FLACC1: variants seen among roughly 807,000 people sequenced by gnomAD.
FLACC1 encodes flagellum associated containing coiled-coil domains 1, also known as flagellum-associated coiled-coil domain-containing protein 1.
Under a neutral mutation model 62.8 loss-of-function variants are expected in FLACC1, and 66 were observed. The observed-to-expected ratio is 1.05, with a 90% CI of 0.86 to 1.29. The LOEUF is 1.29. Among genes scored for constraint, FLACC1 ranks in the 50% most tolerant of loss-of-function variants. The probability of loss-of-function intolerance (pLI) is 0.00; values close to 1 mark genes in which losing one functional copy is unlikely to be tolerated. For synonymous variants in FLACC1, 156 were observed against 161.0 expected (o/e 0.97, Z 0.24); for missense variants, 452 against 489.1 (o/e 0.92, Z 0.71).
At chr2:201,302,161 C>G (rs555273604) in intron 11 of FLACC1, among the ~76,000 whole-genome samples, 1 of 152,196 alleles carries the variant, frequency 6.6e-6, no homozygotes, top group South Asian at 2.1e-4. Flanking sequence ...TCAAGACCCA[C>G]CAGTGTGCTG....
At chr2:201,349,592 A>G (rs1950985517) in intron 3 of FLACC1, among the ~76,000 whole-genome samples, 1 of 152,234 alleles carries the variant, frequency 6.6e-6, no homozygotes. Flanking sequence ...TAGGTGGTCA[A>G]TAAATATTTT....
intron 11 of FLACC1, among the ~76,000 whole-genome samples, chr2:201,306,361 T>C (rs551546143): frequency 2.6e-5 from 4 of 152,202 alleles, no homozygotes; most frequent in South Asian, 4.2e-4. Flanking sequence ...TTCTCCAACA[T>C]TGGAGATTAC....
chr2:201,307,565 T>C lies in FLACC1; in HGVS notation c.833A>G (p.Asn278Ser), dbSNP rs1222256287. 6.2e-7 allele frequency: 1 copy of C among 1,614,262 alleles called. No homozygotes were observed. The highest frequency in any genetic ancestry group is 8.5e-7 in the Non-Finnish European group (1 of 1,180,040). Residue 278 changes from asparagine (N) to serine (S), a missense_variant, in exon 11 of 15, where the codon AAT becomes AGT. Physicochemically the swap from Asn to Ser is conservative, Grantham distance 46. This residue lies in a region of FLACC1 where 301 missense variants were observed against 318.4 expected (regional missense o/e 0.95). Coordinates refer to ENST00000392257, the MANE Select transcript of FLACC1 (RefSeq NM_001127391.3). The part of the protein sequence containing the change: ...MESGEEDKKI[N>S]ESCSAVFENF... ...CTCAAAGACAGCACTGCAGGATTCA[T>C]TTATTTTCTTATCTTCTTCTCCTGA... is the stretch of plus-strand genomic sequence containing the variant.
intron 12 of FLACC1, among the ~76,000 whole-genome samples, chr2:201,290,032 T>A (rs770059410): frequency 4.3e-4 from 65 of 152,178 alleles, no homozygotes; most frequent in Admixed American, 1.1e-3. Context: ...AGCAAGTCTT[T>A]ATTAAATACC....
At chr2:201,363,071 A>G in the FLACC1 span, among the ~76,000 whole-genome samples, 2 of 152,150 alleles carry the variant, frequency 1.3e-5, no homozygotes, top group Non-Finnish European at 2.9e-5. Context: ...GTGGTGCAGC[A>G]GAGCCCTCTG....
chr2:201,300,145 G>A lies in FLACC1; in HGVS notation c.880-845C>T, dbSNP rs571711366. 1.2e-4 allele frequency among the ~76,000 whole-genome samples: 18 copies of A among 152,292 alleles called. No homozygotes were observed. In the East Asian group the frequency reaches 2.9e-3, roughly 25 times the overall value. On this transcript the variant is annotated intron_variant, in intron 11 of 14. Coordinates refer to ENST00000392257, the MANE Select transcript of FLACC1 (RefSeq NM_001127391.3). ...TGGGGCACCGCCTCACCTGGGAAGC[G>A]CGAGGGGTCAGATAATTCCCTTTCC...
chr2:201,329,608 C>T (rs1950554571), intron 9 of FLACC1, among the ~76,000 whole-genome samples: 1 of 152,106 alleles, frequency 6.6e-6, no homozygotes, highest in African/African-American at 2.4e-5. Flanking sequence ...TACTATGCAG[C>T]CATAAAAAAG....
chr2:201,353,585 CTTCTT>C (rs980891078), intron 1 of FLACC1, among the ~76,000 whole-genome samples: 3 of 151,808 alleles, frequency 2.0e-5, no homozygotes, highest in Admixed American at 6.6e-5. Flanking sequence ...TTTCTCTTTT[CTTCTT>C]TTCTTTTCTT....
At chr2:201,310,466 G>A (rs1950197324) in intron 9 of FLACC1, among the ~76,000 whole-genome samples, 1 of 152,068 alleles carries the variant, frequency 6.6e-6, no homozygotes, top group Admixed American at 6.5e-5. Context: ...AGAACTAGTT[G>A]GTCACTATAC....
chr2:201,351,127 G>A (rs1951019328), intron 2 of FLACC1, among the ~76,000 whole-genome samples, 165 bp downstream of exon 2: 2 of 152,228 alleles, frequency 1.3e-5, no homozygotes, highest in Non-Finnish European at 2.9e-5. Flanking sequence ...CTGGCAAGAT[G>A]AGGGTGCAGC....
chr2:201,336,957 T>G (rs1950708245), intron 7 of FLACC1, among the ~76,000 whole-genome samples: 1 of 152,222 alleles, frequency 6.6e-6, no homozygotes, highest in African/African-American at 2.4e-5. Context: ...AATGTCTTCT[T>G]TTAAGAAATG....
intron 9 of FLACC1, among the ~76,000 whole-genome samples, chr2:201,317,796 G>A (rs1190533040): frequency 6.6e-6 from 1 of 151,734 alleles, no homozygotes; most frequent in Non-Finnish European, 1.5e-5. Flanking sequence ...AAATCAAAAA[G>A]CAAAAAACCT....
chr2:201,362,328 AAC>A (rs1553618580), upstream of FLACC1, among the ~76,000 whole-genome samples: 20 of 152,260 alleles, frequency 1.3e-4, no homozygotes, highest in African/African-American at 1.2e-4. Flanking sequence ...TTTTTAAAAA[AAC>A]AGTTTCTTTT....
At chr2:201,295,131 A>G (rs1483579037) in intron 12 of FLACC1, among the ~76,000 whole-genome samples, 2 of 152,190 alleles carry the variant, frequency 1.3e-5, no homozygotes, top group African/African-American at 4.8e-5. Flanking sequence ...CAAGCTACCA[A>G]TGATTTTCTT....
At chr2:201,303,566 C>G (rs1038819246) in intron 11 of FLACC1, among the ~76,000 whole-genome samples, 9 of 152,324 alleles carry the variant, frequency 5.9e-5, no homozygotes, top group Non-Finnish European at 1.0e-4. Flanking sequence ...GGAATCTTCC[C>G]TAACTCATTT....
chr2:201,289,875 G>A lies in FLACC1; in HGVS notation c.943-90C>T, dbSNP rs558951359. The A allele has an allele frequency of 5.0e-6, 8 of 1,602,196 alleles. No homozygotes were observed. The African/African-American group carries it at 9.4e-5, about 19-fold the overall frequency. On this transcript the variant is annotated intron_variant, in intron 12 of 14. Coordinates refer to ENST00000392257, the MANE Select transcript of FLACC1 (RefSeq NM_001127391.3). ...GGCACCTGGACTATGATGAAAGGGAGCAACCTGAGCTACTTTTGCATCACT... is the reference window on the plus strand; with the variant it reads ...GGCACCTGGACTATGATGAAAGGGAACAACCTGAGCTACTTTTGCATCACT...
intron 3 of FLACC1, among the ~76,000 whole-genome samples, chr2:201,350,481 C>A (rs1368600447): frequency 9.2e-5 from 14 of 152,052 alleles, no homozygotes; most frequent in Non-Finnish European, 2.1e-4. Flanking sequence ...GAGTTCAAGA[C>A]CACCCTGGGC....
intron 9 of FLACC1, among the ~76,000 whole-genome samples, chr2:201,312,479 A>G (rs1379323577): frequency 1.3e-5 from 2 of 152,262 alleles, no homozygotes; most frequent in Non-Finnish European, 2.9e-5. Flanking sequence ...AATATCATTA[A>G]GATGGCCACA....
At chr2:201,308,891 C>A (rs1398085996) in intron 10 of FLACC1, among the ~76,000 whole-genome samples, 1 of 152,216 alleles carries the variant, frequency 6.6e-6, no homozygotes, top group Non-Finnish European at 1.5e-5. Context: ...TTCCAGCCAT[C>A]ATGGGCAAAC....
Sources: allele counts gnomAD v4.1 joint callset (sites outside exome capture counted in the v4.1 genomes callset), GRCh38; gene constraint gnomAD v4.1.1; regional missense constraint gnomAD v4.1.1; transcripts MANE v1.5; gene names NCBI Gene and HGNC (gene_info 2026-07-23, HGNC 2026-07-21).